The following TAF2 variants were observed in gnomAD, a reference collection of about 807,000 sequenced individuals.
TAF2 encodes transcription initiation factor TFIID subunit 2.
A neutral mutation model predicts 138.5 loss-of-function variants in TAF2; 61 were observed. The observed-to-expected ratio is 0.44, with a 90% CI of 0.36 to 0.54. The LOEUF is 0.54. Ranked by LOEUF, TAF2 falls within the 20% of genes least tolerant of loss-of-function variation. The probability of loss-of-function intolerance (pLI) is 0.00; values close to 1 mark genes in which losing one functional copy is unlikely to be tolerated. For synonymous variants in TAF2, 475 were observed against 469.9 expected, an observed-to-expected ratio of 1.01 and a Z score of -0.14; for missense variants, 1,090 against 1,427.9, an observed-to-expected ratio of 0.76 and a Z score of 3.81.
At chr8:119,786,852 C>T (rs1373437594) in intron 14 of TAF2, among the ~76,000 whole-genome samples, 2 of 152,012 alleles carry the variant, frequency 1.3e-5, no homozygotes, top group Admixed American at 6.6e-5. Flanking sequence ...AACCGGGAGG[C>T]GGAGGTTGCA....
chr8:119,752,104 G>T (rs571515025), intron 22 of TAF2, among the ~76,000 whole-genome samples: 1 of 151,958 alleles, frequency 6.6e-6, no homozygotes, highest in East Asian at 1.9e-4. Flanking sequence ...AGGAAAAGGA[G>T]ATAAAGTAAA....
intron 22 of TAF2, among the ~76,000 whole-genome samples, chr8:119,753,978 T>G (rs184100424): frequency 6.6e-6 from 1 of 152,234 alleles, no homozygotes; most frequent in African/African-American, 2.4e-5. Context: ...TCTTTTAAGG[T>G]AGCCAAAGGA....
At position 119,783,640 on chromosome 8, in the gene TAF2, G is replaced by A; in HGVS notation, c.1860-7C>T. On this transcript the variant is annotated splice_polypyrimidine_tract_variant and splice_region_variant and intron_variant, in intron 15 of 25. Transcript: ENST00000378164. ...CAGCAAAGGGGAATCAGCACTGCAA[G>A]AAAATACAATTTTCTTTTTAATTTA... 1 of 1,611,840 alleles carries A rather than the reference G, an allele frequency of 6.2e-7. No homozygotes were observed. Among genetic ancestry groups the A allele is most frequent in the Non-Finnish European group, 8.5e-7 (1 of 1,178,944 alleles).
rs375908587 is a variant in TAF2 at position 119,778,121 on chromosome 8, T to C, written c.2262A>G (p.Pro754=). 1.6e-4 allele frequency: 253 copies of C among 1,595,840 alleles called. No individual in the cohort carries two copies. The highest frequency in any genetic ancestry group is 2.1e-4 in the Non-Finnish European group (245 of 1,167,378). The part of the protein sequence containing the change: ...FQSYFLQKTM[P]VAMALLRDVH... Reference sequence around the variant, plus strand: ...CATCTCTTAATAAAGCCATTGCAACTGGCATAGTCTACAAAAGAAAAAAAA... The same window carrying C: ...CATCTCTTAATAAAGCCATTGCAACCGGCATAGTCTACAAAAGAAAAAAAA... The change falls in exon 18 of 26, where the codon CCA becomes CCG. Residue 754 remains proline, a synonymous_variant. Transcript: ENST00000378164.
At position 119,742,766 on chromosome 8, in the gene TAF2, T is replaced by C. The variant is rs538972194; in HGVS notation, c.3215-110A>G. The C allele has an allele frequency of 2.8e-6, 4 of 1,428,090 alleles. No individual in the cohort carries two copies. The Admixed American group carries it at 8.2e-5, about 29-fold the overall frequency. 88.5% of individuals were successfully genotyped at this position (1,428,090 alleles called of 1,614,324 possible). ...TAGCCTTAAAGACAGAAGCAATTCA[T>C]CCACAGTAAAATTCTAACAATTGAA... is the stretch of plus-strand genomic sequence containing the variant. On this transcript the variant is annotated intron_variant, in intron 24 of 25. Transcript: ENST00000378164.
intron 3 of TAF2, among the ~76,000 whole-genome samples, chr8:119,811,805 CAAAAAAAAAAAAAAAA>C (rs771523182): frequency 5.0e-5 from 3 of 60,350 alleles, no homozygotes; most frequent in Non-Finnish European, 9.7e-5. Flanking sequence ...GACTCCGTCT[CAAAAAAAAAAAAAAAA>C]AAAAAAATAA....
intron 18 of TAF2, among the ~76,000 whole-genome samples, chr8:119,771,058 G>A (rs1265175331): frequency 2.0e-5 from 3 of 152,002 alleles, no homozygotes; most frequent in Admixed American, 6.5e-5. Context: ...GCGACAGAGC[G>A]AGACTCCGTC....
At chr8:119,828,849 T>G (rs901917010) in intron 2 of TAF2, among the ~76,000 whole-genome samples, 1 of 152,220 alleles carries the variant, frequency 6.6e-6, no homozygotes. Context: ...AAGGGCCAGA[T>G]AGAAATATTT....
intron 3 of TAF2, among the ~76,000 whole-genome samples, chr8:119,812,356 G>C (rs1368803144): frequency 6.7e-6 from 1 of 150,320 alleles, no homozygotes; most frequent in Non-Finnish European, 1.5e-5. Context: ...ATAGCTTTTT[G>C]TGTACAAGTG....
intron 6 of TAF2, 65 bp from the exon 7 acceptor site, chr8:119,797,911 T>C: frequency 7.1e-7 from 1 of 1,414,002 alleles, no homozygotes; most frequent in Non-Finnish European, 9.9e-7. Flanking sequence ...GGAAATTTCC[T>C]AAACACCTCA....
chr8:119,754,013 A>C (rs927845239), intron 22 of TAF2, among the ~76,000 whole-genome samples: 1 of 152,210 alleles, frequency 6.6e-6, no homozygotes, highest in Non-Finnish European at 1.5e-5. Context: ...ATTATGTAAA[A>C]AGCAGCAATC....
intron 15 of TAF2, 23 bp from the exon 16 acceptor site, chr8:119,783,656 TTTTAA>T (rs1370397131): frequency 1.2e-5 from 19 of 1,601,888 alleles, no homozygotes; most frequent in Middle Eastern, 1.7e-4. Context: ...ACAATTTTCT[TTTTAA>T]TTTAATTTTT....
In TAF2 at chr8:119,806,313, C is replaced by G. The variant is rs1397184618; in HGVS notation, c.388G>C (p.Val130Leu). 1 of 1,613,992 alleles carries G rather than the reference C, an allele frequency of 6.2e-7. No homozygotes were observed. Among genetic ancestry groups the G allele is most frequent in the Non-Finnish European group, 8.5e-7 (1 of 1,179,962 alleles). Residue 130 changes from valine to leucine, a missense_variant, in exon 4 of 26, where the codon GTT (valine) becomes CTT (leucine). Transcript: ENST00000378164. ...DAGNGELCIKVPSELWKHVDE... is the reference protein window; with the variant it reads ...DAGNGELCIKLPSELWKHVDE... ...ACGTGTTTCCATAGCTCTGATGGAA[C>G]CTTAATGCAAAGTTCTCCATTTCCT...
intron 10 of TAF2, among the ~76,000 whole-genome samples, chr8:119,792,267 C>T (rs556946153): frequency 3.0e-4 from 45 of 151,678 alleles, no homozygotes; most frequent in Admixed American, 5.9e-4. Flanking sequence ...GATTCTCTTG[C>T]CTCAGCCTCT....
chr8:119,828,604 GA>G (rs1211545284), intron 2 of TAF2, among the ~76,000 whole-genome samples: 1 of 152,170 alleles, frequency 6.6e-6, no homozygotes, highest in East Asian at 1.9e-4. Context: ...GAAGGAAAAG[GA>G]AACACCGAAG....
Position 119,808,339 on chromosome 8 carries a change from G to C in TAF2, c.300-1938C>G, listed in dbSNP as rs186424735. Among the ~76,000 whole-genome samples the C allele has an allele frequency of 2.6e-5, 4 of 152,288 alleles. No homozygotes were observed. The East Asian group carries it at 7.7e-4, about 29-fold the overall frequency. On this transcript the variant is annotated intron_variant, in intron 3 of 25. Coordinates refer to ENST00000378164, the MANE Select transcript of TAF2 (RefSeq NM_003184.4). ...TCCGTCCATTAAAGTTGTATCATGAGACTGCAGCAATTCAGTCTTACCTTT... is the reference window on the plus strand; with the variant it reads ...TCCGTCCATTAAAGTTGTATCATGACACTGCAGCAATTCAGTCTTACCTTT...
Position 119,783,535 on chromosome 8 carries a change from AGCTGATACT to A in TAF2, c.1949_1957del (p.Gln650_Gln652del). The A allele has an allele frequency of 6.2e-7, 1 of 1,614,190 alleles. No homozygotes were observed. The highest frequency in any genetic ancestry group is 8.5e-7 in the Non-Finnish European group (1 of 1,180,032). ...TGCAACAACATCTCTCTCATAGCGGAGCTGATACTGCCACATAAAATCAGCTTGCTCAAA... is the reference window on the plus strand; with the variant it reads ...TGCAACAACATCTCTCTCATAGCGGAGCCACATAAAATCAGCTTGCTCAAA... On this transcript the variant is annotated inframe_deletion, in exon 16 of 26. Coordinates refer to ENST00000378164, the MANE Select transcript of TAF2 (RefSeq NM_003184.4).
At chr8:119,792,706 C>T (rs1823526378) in intron 10 of TAF2, among the ~76,000 whole-genome samples, 2 of 152,110 alleles carry the variant, frequency 1.3e-5, no homozygotes, top group Admixed American at 6.5e-5. Flanking sequence ...CAGGGATCTA[C>T]CCTCATGAAT....
rs923759964 is a variant in TAF2 at position 119,783,722 on chromosome 8, A to G, written c.1860-89T>C. The G allele has an allele frequency of 6.8e-6, 10 of 1,469,968 alleles. No homozygotes were observed. In the African/African-American group the frequency reaches 8.4e-5, roughly 12 times the overall value. The allele number at this position is 1,469,968 out of a possible 1,614,324, so 91.1% of individuals were successfully genotyped here. On this transcript the variant is annotated intron_variant, in intron 15 of 25. Coordinates refer to ENST00000378164, the MANE Select transcript of TAF2 (RefSeq NM_003184.4). The stretch of plus-strand genomic sequence containing the variant: ...AATAAATACAAAGCATTTATTTACC[A>G]GGTTTCCTTTTAGATGTAGTATTCA...
Sources: allele counts gnomAD v4.1 joint callset (sites outside exome capture counted in the v4.1 genomes callset), GRCh38; gene constraint gnomAD v4.1.1; transcripts MANE v1.5; gene names NCBI Gene and HGNC (gene_info 2026-07-23, HGNC 2026-07-21).